Variants in PTPRK observed in about 807,000 individuals in gnomAD.
PTPRK encodes receptor-type tyrosine-protein phosphatase kappa.
Under a neutral mutation model 178.0 loss-of-function variants are expected in PTPRK, and 75 were observed. The observed-to-expected ratio is 0.42, with a 90% CI of 0.35 to 0.51. The LOEUF is 0.51. PTPRK is among the 20% of genes least tolerant of loss of function. The pLI, the probability that PTPRK is intolerant of heterozygous loss-of-function variation, is 0.02. For missense variants in PTPRK, 1,441 were observed against 1,797.8 expected, an observed-to-expected ratio of 0.80 and a Z score of 3.59; for synonymous variants, 637 against 620.6, an observed-to-expected ratio of 1.03 and a Z score of -0.39.
intron 1 of PTPRK, among the ~76,000 whole-genome samples, chr6:128,450,080 T>C (rs572196099): frequency 9.2e-5 from 14 of 151,640 alleles, no homozygotes; most frequent in African/African-American, 3.1e-4. Context: ...ATCACGCCAT[T>C]TCACTCCAGC....
intron 13 of PTPRK, among the ~76,000 whole-genome samples, chr6:128,023,280 C>T (rs1189530353): frequency 2.6e-5 from 4 of 152,156 alleles, no homozygotes; most frequent in African/African-American, 9.7e-5. Flanking sequence ...AAACTTCAAG[C>T]TGAAGTTACA....
chr6:128,145,501 TTTAA>T (rs1796355536), intron 7 of PTPRK, among the ~76,000 whole-genome samples: 1 of 152,064 alleles, frequency 6.6e-6, no homozygotes, highest in African/African-American at 2.4e-5. Flanking sequence ...CTGAGTTTAT[TTTAA>T]TTTATTTCAA....
At chr6:128,320,713 G>T (rs1053895568) in intron 3 of PTPRK, among the ~76,000 whole-genome samples, 2 of 152,076 alleles carry the variant, frequency 1.3e-5, no homozygotes, top group Non-Finnish European at 2.9e-5. Flanking sequence ...GTGACCTGGT[G>T]ATGACAGCCA....
intron 21 of PTPRK, among the ~76,000 whole-genome samples, chr6:127,987,246 C>T (rs182671395): frequency 1.4e-5 from 2 of 147,532 alleles, no homozygotes; most frequent in East Asian, 4.0e-4. Flanking sequence ...AAAAAACAAC[C>T]CCCCCCATTT....
chr6:128,336,425 A>ACAAT (rs1830937791), intron 2 of PTPRK, among the ~76,000 whole-genome samples: 2 of 152,188 alleles, frequency 1.3e-5, no homozygotes, highest in East Asian at 3.8e-4. Context: ...TCTCAGACCA[A>ACAAT]CAATCAAGCA....
At chr6:128,220,438 A>G (rs1422806515) in intron 5 of PTPRK, among the ~76,000 whole-genome samples, 1 of 152,222 alleles carries the variant, frequency 6.6e-6, no homozygotes, top group Non-Finnish European at 1.5e-5. Flanking sequence ...CATGATCCAC[A>G]ACCTCATTTC....
chr6:128,083,725 G>C lies in PTPRK; in HGVS notation c.1565C>G (p.Thr522Ser). ...KEPLDPNGII[T>S]QYEISYSSIR... ...TTGTTCTCCCAATACCTCATATTGA[G>C]TGATGATTCCATTTGGATCCAAAGG... is the stretch of plus-strand genomic sequence containing the variant. Residue 522 changes from threonine (T) to serine (S), a missense_variant, in exon 9 of 30, where the codon ACT becomes AGT. Around this residue, in one of 4 missense-constraint regions of PTPRK, gnomAD observed 945 missense variants for 1,080.6 expected, o/e 0.87. Coordinates refer to ENST00000368226, the MANE Select transcript of PTPRK (RefSeq NM_002844.4). 6.3e-7 allele frequency: 1 copy of C among 1,585,732 alleles called. No homozygotes were observed. The highest frequency in any genetic ancestry group is 8.6e-7 in the Non-Finnish European group (1 of 1,158,358).
At chr6:128,206,915 A>G (rs973075429) in intron 6 of PTPRK, among the ~76,000 whole-genome samples, 1 of 152,208 alleles carries the variant, frequency 6.6e-6, no homozygotes, top group Non-Finnish European at 1.5e-5. Context: ...AGCATAGCTT[A>G]CAAGTTCCTG....
At chr6:128,017,807 T>TATATAC (rs1457227694) in intron 13 of PTPRK, among the ~76,000 whole-genome samples, 2 of 100,460 alleles carry the variant, frequency 2.0e-5, no homozygotes, top group Non-Finnish European at 3.4e-5. Context: ...TATGTGTATA[T>TATATAC]ATATATATAT....
At chr6:128,044,738 C>T (rs1777765967) in intron 13 of PTPRK, among the ~76,000 whole-genome samples, 1 of 151,834 alleles carries the variant, frequency 6.6e-6, no homozygotes, top group Admixed American at 6.6e-5. Context: ...ACTCAGGAAA[C>T]TCACTCAAAA....
At position 127,970,124 on chromosome 6, in the gene PTPRK, C is replaced by T. The variant is rs541387008; in HGVS notation, c.*103G>A. On this transcript the variant is annotated 3_prime_UTR_variant, in exon 30 of 30. Transcript: ENST00000368226. ...TCTCAAATGTAAAAGTCTCCCACCC[C>T]CCACATTAAAATCTTTCTGCACAAG... 35 of 816,144 alleles carry T rather than the reference C, an allele frequency of 4.3e-5. No homozygotes were observed. In the African/African-American group the frequency reaches 5.5e-4, roughly 13 times the overall value. The allele number at this position is 816,144 out of a possible 1,614,324, so 50.6% of individuals were successfully genotyped here. A position where few individuals can be genotyped will look rare whatever the true frequency, so the allele number is the denominator to read the frequency against.
chr6:128,254,552 T>TA (rs1251461727), intron 3 of PTPRK, among the ~76,000 whole-genome samples: 1 of 152,166 alleles, frequency 6.6e-6, no homozygotes, highest in Non-Finnish European at 1.5e-5. Context: ...ATGAAGACAT[T>TA]AAAAGTATAT....
intron 27 of PTPRK, among the ~76,000 whole-genome samples, 196 bp from the exon 28 acceptor site, chr6:127,974,023 AC>A (rs1316690835): frequency 6.6e-6 from 1 of 152,156 alleles, no homozygotes; most frequent in African/African-American, 2.4e-5. Context: ...CATCCTTTAT[AC>A]CTGTTTCTCC....
Position 128,067,693 on chromosome 6 carries a change from G to A in PTPRK, c.1983C>T (p.Ala661=). The A allele has an allele frequency of 6.2e-7, 1 of 1,613,766 alleles. No individual in the cohort carries two copies. The highest frequency in any genetic ancestry group is 1.1e-5 in the South Asian group (1 of 91,052). Residue 661 remains alanine, a synonymous_variant, in exon 12 of 30, where the codon GCC becomes GCT. Transcript: ENST00000368226. The part of the protein sequence containing the change: ...CYQVPVTYQN[A]MSGGAPYYFA... ...AGTAATACGGTGCACCCCCACTCAT[G>A]GCATTTTGGTATGTGACAGGAACCT...
intron 6 of PTPRK, among the ~76,000 whole-genome samples, chr6:128,209,688 G>T (rs1450271673): frequency 6.6e-6 from 1 of 151,994 alleles, no homozygotes; most frequent in Non-Finnish European, 1.5e-5. Context: ...TGAGCAAAAG[G>T]AAAGGGGTCC....
intron 1 of PTPRK, among the ~76,000 whole-genome samples, chr6:128,404,893 A>G (rs574432562): frequency 1.1e-3 from 169 of 152,316 alleles, no homozygotes; most frequent in South Asian, 5.2e-3. Flanking sequence ...CTTAAACACT[A>G]CATTAAGTGT....
chr6:128,497,053 C>G (rs574931336), intron 1 of PTPRK, among the ~76,000 whole-genome samples: 1 of 152,292 alleles, frequency 6.6e-6, no homozygotes, highest in African/African-American at 2.4e-5. Flanking sequence ...CCAAAACCCT[C>G]CTACATGCAC....
intron 1 of PTPRK, among the ~76,000 whole-genome samples, chr6:128,424,096 G>A (rs1251738101): frequency 6.6e-6 from 1 of 151,508 alleles, no homozygotes; most frequent in Non-Finnish European, 1.5e-5. Flanking sequence ...AGCCAGGCAT[G>A]CTGGCAGGTG....
At chr6:128,351,455 A>G (rs567241954) in intron 2 of PTPRK, among the ~76,000 whole-genome samples, 1 of 152,332 alleles carries the variant, frequency 6.6e-6, no homozygotes, top group African/African-American at 2.4e-5. Context: ...TTCAGCCTCA[A>G]AAATAAAGAA....
Sources: gnomAD v4.1 joint callset for allele counts (sites outside exome capture counted in the v4.1 genomes callset) on GRCh38, gnomAD v4.1.1 for gene constraint, gnomAD v4.1.1 regional missense constraint, MANE v1.5 for transcripts, NCBI Gene and HGNC (gene_info 2026-07-23, HGNC 2026-07-21) for gene names.